Variants in LHFPL3 observed in about 807,000 individuals in gnomAD.
LHFPL3 encodes LHFPL tetraspan subfamily member 3, also known as LHFPL tetraspan subfamily member 3 protein.
A neutral mutation model predicts 19.3 loss-of-function variants in LHFPL3; 5 were observed. The observed-to-expected ratio is 0.26, with a 90% confidence interval of 0.14 to 0.54. The LOEUF (loss-of-function observed/expected upper bound fraction) is 0.54. Ranked by LOEUF, LHFPL3 falls within the 20% of genes least tolerant of loss-of-function variation. The probability of loss-of-function intolerance (pLI) is 0.94; values close to 1 mark genes in which losing one functional copy is unlikely to be tolerated. For missense variants in LHFPL3, 249 were observed against 307.4 expected (o/e 0.81, Z 1.42); for synonymous variants, 133 against 126.2 (o/e 1.05, Z -0.36).
chr7:104,615,237 T>A (rs1262432428), intron 1 of LHFPL3, among the ~76,000 whole-genome samples: 2 of 152,244 alleles, frequency 1.3e-5, no homozygotes, highest in African/African-American at 2.4e-5. Flanking sequence ...AAAGATGATT[T>A]AGAGAAACTG....
intron 2 of LHFPL3, among the ~76,000 whole-genome samples, chr7:104,879,002 C>G (rs1372662968): frequency 1.3e-5 from 2 of 152,148 alleles, no homozygotes; most frequent in Non-Finnish European, 2.9e-5. Context: ...AGAGCAAAGC[C>G]CTAACTCTCT....
At chr7:104,430,370 G>GTATATATATATATA (rs1296589956) in intron 1 of LHFPL3, among the ~76,000 whole-genome samples, 1 of 61,430 alleles carries the variant, frequency 1.6e-5, no homozygotes, top group African/African-American at 6.1e-5. Context: ...ATTTCTGTGG[G>GTATATATATATATA]TATATATATA....
intron 2 of LHFPL3, among the ~76,000 whole-genome samples, chr7:104,843,411 T>C (rs1024952095): frequency 9.8e-5 from 15 of 152,310 alleles, no homozygotes; most frequent in Middle Eastern, 3.4e-3. Flanking sequence ...CAAGGCAGCC[T>C]GTGACTCACC....
chr7:104,390,932 C>A (rs551080703), intron 1 of LHFPL3, among the ~76,000 whole-genome samples: 1 of 152,276 alleles, frequency 6.6e-6, no homozygotes, highest in African/African-American at 2.4e-5. Flanking sequence ...CTCTGATGGC[C>A]AGTGATGATG....
At chr7:104,668,817 C>G (rs925432887) in intron 1 of LHFPL3, 1 of 1,608,916 alleles carries the variant, frequency 6.2e-7, no homozygotes, top group Admixed American at 1.7e-5. Flanking sequence ...CGAGCTGCTT[C>G]TATCTTTGGA....
intron 1 of LHFPL3, among the ~76,000 whole-genome samples, chr7:104,409,509 A>G (rs1261797037): frequency 6.6e-6 from 1 of 152,082 alleles, no homozygotes; most frequent in Admixed American, 6.5e-5. Context: ...CTGGCTATTC[A>G]GGAGGCTCAA....
rs10665231 is a variant in LHFPL3 at position 104,807,011 on chromosome 7, A to ATGTGTGTGTGTGTGTG, written c.682+70128_682+70143dup. Among the ~76,000 whole-genome samples, 356 of 139,752 alleles carry ATGTGTGTGTGTGTGTG rather than the reference A, an allele frequency of 2.5e-3. 1 individual carries two copies. The highest frequency in any genetic ancestry group is 5.0e-3 in the Admixed American group (68 of 13,562). The allele number at this position is 139,752 out of a possible 152,430, so 91.7% of individuals were successfully genotyped here. Reference sequence around the variant, plus strand: ...TGAATTGTGCCCCACCAAAATATATATGTGTGTGTGTGTGTGTGTGTGTGT... The same window carrying ATGTGTGTGTGTGTGTG: ...TGAATTGTGCCCCACCAAAATATATATGTGTGTGTGTGTGTGTGTGTGTGTGTGTGTGTGTGTGTGT... On this transcript the variant is annotated intron_variant, in intron 2 of 2. Coordinates refer to ENST00000424859, the MANE Select transcript of LHFPL3 (RefSeq NM_199000.3).
intron 1 of LHFPL3, among the ~76,000 whole-genome samples, chr7:104,398,739 G>A (rs1365008318): frequency 6.6e-6 from 1 of 152,142 alleles, no homozygotes; most frequent in African/African-American, 2.4e-5. Flanking sequence ...TAGCAGTTCT[G>A]AGCTACCTGG....
chr7:104,420,935 A>C (rs1791720964), intron 1 of LHFPL3, among the ~76,000 whole-genome samples: 1 of 152,204 alleles, frequency 6.6e-6, no homozygotes. Context: ...TATGTGGGAA[A>C]GCAGAGAAAA....
At chr7:104,646,126 C>A (rs1007117011) in intron 1 of LHFPL3, among the ~76,000 whole-genome samples, 3 of 152,164 alleles carry the variant, frequency 2.0e-5, no homozygotes, top group African/African-American at 7.2e-5. Context: ...AGGCACTTAA[C>A]CTCTGTGAGC....
At chr7:104,706,986 C>G (rs2116197713) in intron 1 of LHFPL3, among the ~76,000 whole-genome samples, 1 of 152,226 alleles carries the variant, frequency 6.6e-6, no homozygotes, top group Non-Finnish European at 1.5e-5. Flanking sequence ...ATATCCTGGT[C>G]CCTCAGTGTA....
At chr7:104,699,477 C>T (rs535961123) in intron 1 of LHFPL3, among the ~76,000 whole-genome samples, 4 of 152,186 alleles carry the variant, frequency 2.6e-5, no homozygotes, top group South Asian at 2.1e-4. Flanking sequence ...CTATTACGTG[C>T]GGTTCCATGA....
intron 1 of LHFPL3, among the ~76,000 whole-genome samples, chr7:104,485,228 T>C (rs1230513805): frequency 6.6e-6 from 1 of 152,128 alleles, no homozygotes; most frequent in East Asian, 1.9e-4. Flanking sequence ...AAAAGAGATA[T>C]ATTTTATCAT....
intron 1 of LHFPL3, among the ~76,000 whole-genome samples, chr7:104,435,163 G>A (rs986673037): frequency 2.6e-5 from 4 of 151,996 alleles, no homozygotes; most frequent in African/African-American, 7.2e-5. Flanking sequence ...TATTTATTGA[G>A]ACAGGTTCTT....
At chr7:104,562,966 TG>T (rs923114500) in intron 1 of LHFPL3, among the ~76,000 whole-genome samples, 4 of 152,160 alleles carry the variant, frequency 2.6e-5, no homozygotes, top group Admixed American at 6.5e-5. Flanking sequence ...GTGCCTCTGC[TG>T]GGGGGTGCTT....
At chr7:104,496,088 T>G (rs1381840121) in intron 1 of LHFPL3, among the ~76,000 whole-genome samples, 1 of 152,150 alleles carries the variant, frequency 6.6e-6, no homozygotes, top group Non-Finnish European at 1.5e-5. Flanking sequence ...CATTTAGCAT[T>G]AGTTATATCT....
chr7:104,528,660 C>T (rs559925911), intron 1 of LHFPL3, among the ~76,000 whole-genome samples: 1 of 152,136 alleles, frequency 6.6e-6, no homozygotes, highest in African/African-American at 2.4e-5. Flanking sequence ...TTAAAATGTT[C>T]CAATAATGTG....
In LHFPL3 at chr7:104,512,327, TA is replaced by T. The variant is rs771881095; in HGVS notation, c.445+183104del. On this transcript the variant is annotated intron_variant, in intron 1 of 2. Coordinates refer to ENST00000424859, the MANE Select transcript of LHFPL3 (RefSeq NM_199000.3). ...AGGGGTCATGTAATCGTTTATCAGA[TA>T]TTTTTTTGTGTTACTACCATGGGTC... 3.2e-4 allele frequency among the ~76,000 whole-genome samples: 48 copies of T among 152,268 alleles called. 1 individual carries two copies. Among genetic ancestry groups the T allele is most frequent in the Admixed American group, 1.5e-3 (23 of 15,288 alleles).
intron 1 of LHFPL3, among the ~76,000 whole-genome samples, chr7:104,403,256 A>G (rs1178107759): frequency 3.3e-5 from 5 of 152,236 alleles, no homozygotes; most frequent in African/African-American, 4.8e-5. Context: ...AACACTTGAG[A>G]AGCTTTTGAC....
Sources: allele counts gnomAD v4.1 joint callset (sites outside exome capture counted in the v4.1 genomes callset), GRCh38; gene constraint gnomAD v4.1.1; transcripts MANE v1.5; gene names NCBI Gene and HGNC (gene_info 2026-07-23, HGNC 2026-07-21).